Variants in CELSR2 observed in about 807,000 individuals in gnomAD.
The protein encoded by CELSR2 is cadherin EGF LAG seven-pass G-type receptor 2.
CELSR2 carries 81 observed loss-of-function variants against 251.6 expected under a neutral mutation model. That is an observed-to-expected ratio of 0.32 (90% CI 0.27 to 0.39). The LOEUF (loss-of-function observed/expected upper bound fraction) is 0.39. Among genes scored for constraint, CELSR2 ranks in the 10% least tolerant of loss-of-function variants. CELSR2 has a pLI of 1.00. For synonymous variants in CELSR2, 1,721 were observed against 1,670.5 expected (o/e 1.03, Z -0.74); for missense variants, 3,365 against 3,947.7 (o/e 0.85, Z 3.96).
chr1:109,255,999 C>T (rs1440902937), intron 1 of CELSR2, among the ~76,000 whole-genome samples: 4 of 152,242 alleles, frequency 2.6e-5, no homozygotes, highest in Non-Finnish European at 5.9e-5. Flanking sequence ...GGCAAAGTTT[C>T]TCCCGCTCCA....
rs1210617566 is a variant in CELSR2, at chr1:109,261,694, C to T, written c.4297+66C>T. 1.2e-5 allele frequency: 18 copies of T among 1,560,922 alleles called. No individual in the cohort carries two copies. Among genetic ancestry groups the T allele is most frequent in the Non-Finnish European group, 1.6e-5 (18 of 1,133,794 alleles). On this transcript the variant is annotated intron_variant, in intron 4 of 33. Transcript: ENST00000271332. The surrounding 1 kb of genome is among the most constrained non-coding windows in gnomAD (Gnocchi z 4.8). ...GCCCCAAGTCTTCCAGCCCCTGACC[C>T]CAAGCCACATACTCTATCAGCCAAA...
chr1:109,266,273 G>T, intron 15 of CELSR2, 67 bp downstream of exon 15: 1 of 1,566,806 alleles, frequency 6.4e-7, no homozygotes, highest in South Asian at 1.1e-5. Context: ...ATGAGGGCAG[G>T]AAGCTCCTGG....
In CELSR2 at chr1:109,249,712, G is replaced by A. The variant is rs1386844290; in HGVS notation, c.-368G>A. ...CGCACGGCTACGCGGGCGCAGGTGGGCGATCCCATAGGGGCGGAGGGGGCA... is the reference window on the plus strand; with the variant it reads ...CGCACGGCTACGCGGGCGCAGGTGGACGATCCCATAGGGGCGGAGGGGGCA... On this transcript the variant is annotated 5_prime_UTR_variant, in exon 1 of 34. Transcript: ENST00000271332. Among the ~76,000 whole-genome samples, 2 of 148,450 alleles carry A rather than the reference G, an allele frequency of 1.3e-5. No homozygotes were observed. The highest frequency in any genetic ancestry group is 4.9e-5 in the African/African-American group (2 of 40,984).
chr1:109,271,577 C>A (rs1020654203), intron 27 of CELSR2, 23 bp from the exon 28 acceptor site: 2 of 1,614,118 alleles, frequency 1.2e-6, no homozygotes, highest in Non-Finnish European at 1.7e-6. Flanking sequence ...ATGCACAGAC[C>A]GTTGCTGCCT....
chr1:109,265,048 C>G, intron 12 of CELSR2, 39 bp downstream of exon 12: 1 of 1,613,110 alleles, frequency 6.2e-7, no homozygotes, highest in Non-Finnish European at 8.5e-7. Context: ...GTCCCAGTGG[C>G]TGCTGCTTCT....
chr1:109,267,830 C>T (rs1313579121), intron 16 of CELSR2, 21 bp from the exon 17 acceptor site: 1 of 1,591,704 alleles, frequency 6.3e-7, no homozygotes, highest in Non-Finnish European at 8.6e-7. Context: ...CACTCCTGCT[C>T]CTCCGCTCCG....
At chr1:109,256,004 G>A (rs1655832233) in intron 1 of CELSR2, among the ~76,000 whole-genome samples, 2 of 152,208 alleles carry the variant, frequency 1.3e-5, no homozygotes, top group South Asian at 2.1e-4. Context: ...AGTTTCTCCC[G>A]CTCCATGGCC....
In CELSR2 at chr1:109,271,038, C is replaced by G. The variant is rs993024963; in HGVS notation, c.7595C>G (p.Ser2532Trp). The G allele has an allele frequency of 6.2e-7, 1 of 1,611,952 alleles. No homozygotes were observed. ...GCTGGCCCGGTGGCCTTTGCCGTCT[C>G]GGTGAGTGCTAGCAGGTGGGTTGGG... ...SFAGPVAFAVSMSVFLYILAA... is the reference protein window; with the variant it reads ...SFAGPVAFAVWMSVFLYILAA... The change falls in exon 25 of 34, where the codon TCG (serine) becomes TGG (tryptophan). Residue 2532 changes from serine (S) to tryptophan (W), a missense_variant and splice_region_variant. By Grantham distance (177) the Ser-to-Trp change is radical (BLOSUM62 -3). This residue lies in a region of CELSR2 where 2,093 missense variants were observed against 2,382.8 expected (regional missense o/e 0.88). Transcript: ENST00000271332.
rs1023566384 is a variant in CELSR2 at position 109,251,603 on chromosome 1, C to G, written c.1524C>G (p.Thr508=). ...ACAATGCCCCCATCTTCGTCAGCACCCCTTTCCAGGCTACTGTCCTGGAGA... is the reference window on the plus strand; with the variant it reads ...ACAATGCCCCCATCTTCGTCAGCACGCCTTTCCAGGCTACTGTCCTGGAGA... ...INDNAPIFVS[T]PFQATVLESV... The change falls in exon 1 of 34, where the codon ACC becomes ACG. Residue 508 remains threonine, a synonymous_variant. Coordinates refer to ENST00000271332, the MANE Select transcript of CELSR2 (RefSeq NM_001408.3). This position sits in a 1 kb window ranked among gnomAD's most constrained non-coding sequence, Gnocchi z 4.9. The G allele has an allele frequency of 1.2e-5, 20 of 1,613,882 alleles. No individual in the cohort carries two copies. The highest frequency in any genetic ancestry group is 1.7e-5 in the Non-Finnish European group (20 of 1,179,924).
chr1:109,269,804 A>G lies in CELSR2; in HGVS notation c.7091A>G (p.Asp2364Gly). The change falls in exon 22 of 34, where the codon GAC becomes GGC. Residue 2364 changes from aspartate (D) to glycine (G), a missense_variant. Asp to Gly is a moderately conservative substitution (Grantham distance 94). Around this residue, in one of 5 missense-constraint regions of CELSR2, gnomAD observed 2,093 missense variants for 2,382.8 expected, o/e 0.88. Coordinates refer to ENST00000271332, the MANE Select transcript of CELSR2 (RefSeq NM_001408.3). This position sits in a 1 kb window ranked among gnomAD's most constrained non-coding sequence, Gnocchi z 6.4. ...NHMTSFAVLMDVSRRENGEIL... is the reference protein window; with the variant it reads ...NHMTSFAVLMGVSRRENGEIL... ...ATGACGAGCTTCGCTGTGCTCATGG[A>G]CGTTTCTCGGCGGGAGGTCGGGCCC... 1 of 1,612,504 alleles carries G rather than the reference A, an allele frequency of 6.2e-7. No homozygotes were observed. Among genetic ancestry groups the G allele is most frequent in the Non-Finnish European group, 8.5e-7 (1 of 1,179,850 alleles).
rs190805236 is a variant in CELSR2 at position 109,268,873 on chromosome 1, T to C, written c.6503-7T>C. On this transcript the variant is annotated splice_region_variant and splice_polypyrimidine_tract_variant and intron_variant, in intron 18 of 33. Transcript: ENST00000271332. Reference sequence around the variant, plus strand: ...CAGGTCCGATCTGTGACCATCCCCTTCCTTAGTCATCTCCGTAGTGCGCTT... The same window carrying C: ...CAGGTCCGATCTGTGACCATCCCCTCCCTTAGTCATCTCCGTAGTGCGCTT... 606 of 1,599,540 alleles carry C rather than the reference T, an allele frequency of 3.8e-4. 1 individual carries two copies. In the African/African-American group the frequency reaches 7.1e-3, roughly 19 times the overall value.
chr1:109,272,453 C>T lies in CELSR2; in HGVS notation c.8054+48C>T, dbSNP rs750380125. Reference sequence around the variant, plus strand: ...TGGAGGAGGGGAGGAGGGGCCCACGCATGCTGGACCCAGGCCAGCCAGCTG... The same window carrying T: ...TGGAGGAGGGGAGGAGGGGCCCACGTATGCTGGACCCAGGCCAGCCAGCTG... On this transcript the variant is annotated intron_variant, in intron 29 of 33. Transcript: ENST00000271332. 23 of 1,574,866 alleles carry T rather than the reference C, an allele frequency of 1.5e-5. No individual in the cohort carries two copies. The African/African-American group carries it at 2.8e-4, about 19-fold the overall frequency.
Position 109,275,743 on chromosome 1 carries a change from G to A in CELSR2, c.*1694G>A, listed in dbSNP as rs1310326521. 1 of 152,236 alleles carries A rather than the reference G, an allele frequency of 6.6e-6. No individual in the cohort carries two copies. Among genetic ancestry groups the A allele is most frequent in the Non-Finnish European group, 1.5e-5 (1 of 68,056 alleles). The allele number at this position is 152,236 out of a possible 1,614,324, so 9.4% of individuals were successfully genotyped here. ...CCATACTACTGAATAAACTAGTTCT[G>A]TGCGGGTACAGCACTGTCACTGTCC... On this transcript the variant is annotated 3_prime_UTR_variant, in exon 34 of 34. Transcript: ENST00000271332.
chr1:109,264,691 G>C (rs1656140337), intron 11 of CELSR2, 63 bp downstream of exon 11: 4 of 1,589,012 alleles, frequency 2.5e-6, no homozygotes, highest in Admixed American at 1.7e-5. Context: ...TGCTGGCTCT[G>C]CTGTGTGACC....
At chr1:109,270,882 C>A in intron 24 of CELSR2, 45 bp from the exon 25 acceptor site, 1 of 1,399,932 alleles carries the variant, frequency 7.1e-7, no homozygotes, top group South Asian at 1.2e-5. Flanking sequence ...ACTTCCCAGG[C>A]CCCTCATCAC....
At position 109,261,745 on chromosome 1, in the gene CELSR2, A is replaced by G. The variant is rs41279710; in HGVS notation, c.4298-63A>G. The G allele has an allele frequency of 6.7e-3, 10,334 of 1,552,942 alleles. 63 individuals carry two copies. The highest frequency in any genetic ancestry group is 8.2e-3 in the Non-Finnish European group (9,351 of 1,137,260). ...TCTGGGCCCAGCCCCAGCCACTGGCACCCCAAACCCTGCCATTCCTAGCCC... is the reference window on the plus strand; with the variant it reads ...TCTGGGCCCAGCCCCAGCCACTGGCGCCCCAAACCCTGCCATTCCTAGCCC... On this transcript the variant is annotated intron_variant, in intron 4 of 33. Coordinates refer to ENST00000271332, the MANE Select transcript of CELSR2 (RefSeq NM_001408.3). The surrounding 1 kb of genome is among the most constrained non-coding windows in gnomAD (Gnocchi z 4.8).
chr1:109,271,246 C>G lies in CELSR2; in HGVS notation c.7626C>G (p.Ala2542=). 1 of 1,614,036 alleles carries G rather than the reference C, an allele frequency of 6.2e-7. No homozygotes were observed. Among genetic ancestry groups the G allele is most frequent in the Non-Finnish European group, 8.5e-7 (1 of 1,180,010 alleles). The change falls in exon 26 of 34, where the codon GCC becomes GCG. Residue 2542 remains alanine, a synonymous_variant. Transcript: ENST00000271332. The part of the protein sequence containing the change: ...SMSVFLYILA[A]RASCAAQRQG... The stretch of plus-strand genomic sequence containing the variant: ...GTGTCTTCCTGTACATCCTGGCGGC[C>G]CGGGCCTCCTGTGCTGCCCAGCGGC...
Position 109,253,186 on chromosome 1 carries a change from A to G in CELSR2, c.3107A>G (p.Asn1036Ser), listed in dbSNP as rs747908171. Residue 1036 changes from asparagine (N) to serine (S), a missense_variant, in exon 1 of 34, where the codon AAT becomes AGT. Asn to Ser is a conservative substitution (Grantham distance 46). Coordinates refer to ENST00000271332, the MANE Select transcript of CELSR2 (RefSeq NM_001408.3). ...FEILFNNYVT[N>S]RSSSFPGGAI... ...ATCCTTTTCAACAACTATGTCACCA[A>G]TCGCTCAAGCAGCTTCCCTGGGGGT... is the stretch of plus-strand genomic sequence containing the variant. The G allele has an allele frequency of 8.1e-6, 13 of 1,613,480 alleles. 1 individual carries two copies. The East Asian group carries it at 8.9e-5, about 11-fold the overall frequency.
At chr1:109,253,571 G>A (rs1250003274) in intron 1 of CELSR2, among the ~76,000 whole-genome samples, 182 bp downstream of exon 1, 1 of 152,268 alleles carries the variant, frequency 6.6e-6, no homozygotes, top group Non-Finnish European at 1.5e-5. Flanking sequence ...CTGGCGGCTG[G>A]TGCAGGCCCC....
Sources: allele counts gnomAD v4.1 joint callset (sites outside exome capture counted in the v4.1 genomes callset), GRCh38; gene constraint gnomAD v4.1.1; regional missense constraint gnomAD v4.1.1; non-coding constraint Gnocchi (gnomAD v3.1); transcripts MANE v1.5; gene names NCBI Gene and HGNC (gene_info 2026-07-23, HGNC 2026-07-21).